Variants in SNTG1 observed in about 807,000 individuals in gnomAD.
SNTG1 encodes the protein gamma-1-syntrophin.
Under a neutral mutation model 74.7 loss-of-function variants are expected in SNTG1, and 39 were observed. That is an observed-to-expected ratio of 0.52 (90% CI 0.40 to 0.68). The LOEUF is 0.68. SNTG1 is among the 30% of genes least tolerant of loss of function. SNTG1 has a pLI of 0.00. For missense variants in SNTG1, 685 were observed against 609.5 expected, an observed-to-expected ratio of 1.12 and a Z score of -1.30; for synonymous variants, 254 against 217.1, an observed-to-expected ratio of 1.17 and a Z score of -1.49.
intron 1 of SNTG1, among the ~76,000 whole-genome samples, chr8:50,052,714 C>T (rs969795567): frequency 6.6e-6 from 1 of 152,062 alleles, no homozygotes; most frequent in African/African-American, 2.4e-5. Flanking sequence ...TTTCTTTTAA[C>T]TGACAGTAAA....
intron 1 of SNTG1, among the ~76,000 whole-genome samples, chr8:49,957,507 G>A (rs1405019781): frequency 6.6e-6 from 1 of 152,164 alleles, no homozygotes; most frequent in Non-Finnish European, 1.5e-5. Flanking sequence ...GTCATGATTA[G>A]TGTGTCTCCA....
chr8:50,641,836 G>A (rs189537680), intron 13 of SNTG1, among the ~76,000 whole-genome samples: 4 of 152,160 alleles, frequency 2.6e-5, no homozygotes, highest in Admixed American at 1.3e-4. Flanking sequence ...ACCACACAAT[G>A]TCTGCTGTCC....
chr8:50,508,541 T>G (rs1424874160), intron 9 of SNTG1, among the ~76,000 whole-genome samples: 1 of 152,118 alleles, frequency 6.6e-6, no homozygotes, highest in Non-Finnish European at 1.5e-5. Flanking sequence ...CCACCAACGA[T>G]GTAAAGTTTT....
At position 50,394,230 on chromosome 8, in the gene SNTG1, C is replaced by A; in HGVS notation, c.-9C>A. 1 of 1,612,586 alleles carries A rather than the reference C, an allele frequency of 6.2e-7. No individual in the cohort carries two copies. The highest frequency in any genetic ancestry group is 8.5e-7 in the Non-Finnish European group (1 of 1,179,116). ...TTTTCAGACGACATCCTTTGTGGTG[C>A]CACAGCACATGGATTTCAGAACCGC... is the stretch of plus-strand genomic sequence containing the variant. On this transcript the variant is annotated 5_prime_UTR_variant, in exon 3 of 19. Coordinates refer to ENST00000642720, the MANE Select transcript of SNTG1 (RefSeq NM_018967.5).
chr8:50,465,575 C>G (rs539519729), intron 8 of SNTG1, among the ~76,000 whole-genome samples: 6 of 152,090 alleles, frequency 3.9e-5, no homozygotes, highest in Non-Finnish European at 8.8e-5. Flanking sequence ...GTTTCACTGC[C>G]CTAAAAAATC....
intron 18 of SNTG1, among the ~76,000 whole-genome samples, chr8:50,776,394 A>T (rs1322880115): frequency 6.8e-6 from 1 of 147,254 alleles, no homozygotes; most frequent in Non-Finnish European, 1.5e-5. Context: ...TATATTTTAC[A>T]TTTTATAATA....
intron 13 of SNTG1, among the ~76,000 whole-genome samples, chr8:50,645,876 C>T (rs144010847): frequency 3.9e-5 from 6 of 151,992 alleles, no homozygotes; most frequent in African/African-American, 1.4e-4. Context: ...AATGATTTTA[C>T]AATGAGGAAA....
chr8:50,675,385 T>C (rs1225891382), intron 15 of SNTG1, among the ~76,000 whole-genome samples: 1 of 152,158 alleles, frequency 6.6e-6, no homozygotes, highest in Non-Finnish European at 1.5e-5. Flanking sequence ...TAGCTCTTCT[T>C]GTTGCATTGA....
chr8:50,760,847 CCAATAA>C (rs1203016532), intron 18 of SNTG1, among the ~76,000 whole-genome samples: 1 of 151,864 alleles, frequency 6.6e-6, no homozygotes, highest in African/African-American at 2.4e-5. Context: ...CTTGAATAGA[CCAATAA>C]CAAGTTCTGA....
chr8:50,297,059 G>A (rs4242458), intron 2 of SNTG1, among the ~76,000 whole-genome samples: 128,229 of 152,112 alleles, frequency 0.84, 55,551 homozygotes, highest in East Asian at 1. Context: ...GGCAGTGCCC[G>A]GTATATTTTC....
intron 1 of SNTG1, among the ~76,000 whole-genome samples, chr8:49,958,905 G>A (rs1810429534): frequency 6.6e-6 from 1 of 152,156 alleles, no homozygotes; most frequent in South Asian, 2.1e-4. Context: ...CTTCATAACA[G>A]TGTAAATGTA....
At chr8:50,359,031 C>T (rs1478143533) in intron 2 of SNTG1, among the ~76,000 whole-genome samples, 2 of 152,156 alleles carry the variant, frequency 1.3e-5, no homozygotes, top group South Asian at 2.1e-4. Context: ...ACAAATCATA[C>T]TGTGTGGCAA....
intron 12 of SNTG1, among the ~76,000 whole-genome samples, chr8:50,577,220 A>C (rs2130796832): frequency 6.6e-6 from 1 of 152,230 alleles, no homozygotes; most frequent in South Asian, 2.1e-4. Context: ...TTTCTGCATC[A>C]GTTGAGATGA....
intron 2 of SNTG1, among the ~76,000 whole-genome samples, chr8:50,339,368 AAAAT>A (rs1320958975): frequency 2.6e-5 from 4 of 152,032 alleles, no homozygotes; most frequent in Admixed American, 6.6e-5. Flanking sequence ...AGAGAATTAA[AAAAT>A]AAATAAAAAC....
At position 50,561,563 on chromosome 8, in the gene SNTG1, C is replaced by G. The variant is rs149796064; in HGVS notation, c.810+8384C>G. ...CATAATAATAAAAAAGTTTAATGCACTAGGAAACAAATGCAAACATCATGT... is the reference window on the plus strand; with the variant it reads ...CATAATAATAAAAAAGTTTAATGCAGTAGGAAACAAATGCAAACATCATGT... On this transcript the variant is annotated intron_variant, in intron 12 of 18. Coordinates refer to ENST00000642720, the MANE Select transcript of SNTG1 (RefSeq NM_018967.5). Among the ~76,000 whole-genome samples, 73 of 152,090 alleles carry G rather than the reference C, an allele frequency of 4.8e-4. No individual in the cohort carries two copies. The East Asian group carries it at 0.013, about 28-fold the overall frequency.
chr8:50,587,749 C>A (rs2094660908), intron 12 of SNTG1, among the ~76,000 whole-genome samples: 1 of 150,690 alleles, frequency 6.6e-6, no homozygotes, highest in Non-Finnish European at 1.5e-5. Flanking sequence ...CGCTTGAACC[C>A]GGGAGGCGGA....
At chr8:50,211,985 T>C (rs1473589244) in intron 2 of SNTG1, among the ~76,000 whole-genome samples, 2 of 152,190 alleles carry the variant, frequency 1.3e-5, no homozygotes, top group African/African-American at 2.4e-5. Context: ...ATATGTGTTC[T>C]GCAGTAATTC....
At chr8:50,326,885 G>A (rs961486067) in intron 2 of SNTG1, among the ~76,000 whole-genome samples, 26 of 151,596 alleles carry the variant, frequency 1.7e-4, no homozygotes, top group African/African-American at 2.4e-4. Context: ...GAAAAGTGGC[G>A]TTTTTATTTT....
chr8:50,402,559 T>C (rs1343844065), intron 4 of SNTG1, among the ~76,000 whole-genome samples: 2 of 152,208 alleles, frequency 1.3e-5, no homozygotes, highest in African/African-American at 2.4e-5. Flanking sequence ...TCCAGCCTGT[T>C]GTCTATGACT....
Sources: gnomAD v4.1 joint callset for allele counts (sites outside exome capture counted in the v4.1 genomes callset) on GRCh38, gnomAD v4.1.1 for gene constraint, MANE v1.5 for transcripts, NCBI Gene and HGNC (gene_info 2026-07-23, HGNC 2026-07-21) for gene names.